DLG2: variants seen among roughly 807,000 people sequenced by gnomAD.
DLG2 encodes the protein disks large homolog 2.
DLG2 carries 45 observed loss-of-function variants against 132.5 expected under a neutral mutation model. That is an observed-to-expected ratio of 0.34 (90% CI 0.27 to 0.44). The LOEUF (loss-of-function observed/expected upper bound fraction) is 0.44. Among genes scored for constraint, DLG2 ranks in the 20% least tolerant of loss-of-function variants. The pLI is 1.00. For synonymous variants in DLG2, 424 were observed against 419.6 expected (o/e 1.01, Z -0.13); for missense variants, 1,045 against 1,196.9 (o/e 0.87, Z 1.87).
intron 6 of DLG2, among the ~76,000 whole-genome samples, chr11:85,043,390 T>A (rs1052711450): frequency 4.0e-5 from 6 of 151,878 alleles, no homozygotes; most frequent in African/African-American, 1.4e-4. Flanking sequence ...AAATACATAT[T>A]GTTTAAATAA....
chr11:85,595,442 T>C (rs1023868721), intron 3 of DLG2, among the ~76,000 whole-genome samples: 6 of 152,222 alleles, frequency 3.9e-5, no homozygotes, highest in African/African-American at 1.4e-4. Flanking sequence ...ACTTTATTCA[T>C]TTGGATAAAT....
At chr11:84,091,754 G>T (rs2097096959) in intron 10 of DLG2, among the ~76,000 whole-genome samples, 1 of 152,184 alleles carries the variant, frequency 6.6e-6, no homozygotes, top group Non-Finnish European at 1.5e-5. Flanking sequence ...CCTCTACTTT[G>T]GTATCACGAG....
chr11:85,031,517 T>C (rs529462110), intron 6 of DLG2, among the ~76,000 whole-genome samples: 27 of 152,296 alleles, frequency 1.8e-4, no homozygotes, highest in African/African-American at 6.5e-4. Flanking sequence ...TTTTGTTATA[T>C]TCTTCTTAAA....
chr11:84,468,742 T>C (rs1171322516), intron 7 of DLG2, among the ~76,000 whole-genome samples: 3 of 151,700 alleles, frequency 2.0e-5, no homozygotes, highest in Non-Finnish European at 4.4e-5. Flanking sequence ...AAGTAGGTAC[T>C]AGAATATTTG....
chr11:85,164,257 T>C (rs893012418), intron 4 of DLG2, among the ~76,000 whole-genome samples: 4 of 152,122 alleles, frequency 2.6e-5, no homozygotes, highest in African/African-American at 9.7e-5. Context: ...TCAGTGTCTG[T>C]AGTTTCACAA....
intron 6 of DLG2, among the ~76,000 whole-genome samples, chr11:84,774,121 A>G (rs969577463): frequency 6.6e-6 from 1 of 152,210 alleles, no homozygotes; most frequent in African/African-American, 2.4e-5. Flanking sequence ...AAAATTCAGT[A>G]GAATTTGTAA....
At chr11:84,895,004 A>G (rs533000289) in intron 6 of DLG2, among the ~76,000 whole-genome samples, 1 of 152,266 alleles carries the variant, frequency 6.6e-6, no homozygotes, top group East Asian at 1.9e-4. Context: ...GGATTTTAAT[A>G]TTGTTTCCAT....
chr11:84,926,021 A>C (rs10736767), intron 6 of DLG2, among the ~76,000 whole-genome samples: 81,866 of 151,916 alleles, frequency 0.54, 23,572 homozygotes, highest in East Asian at 0.83. Flanking sequence ...ACAAACAACA[A>C]ACTGGGAAAC....
intron 6 of DLG2, among the ~76,000 whole-genome samples, chr11:84,872,723 T>C (rs2085667424): frequency 6.6e-6 from 1 of 152,234 alleles, no homozygotes; most frequent in South Asian, 2.1e-4. Context: ...TAGTCTCACA[T>C]TTTTAAACAG....
At chr11:85,002,527 CT>C (rs1189266359) in intron 6 of DLG2, among the ~76,000 whole-genome samples, 1 of 152,080 alleles carries the variant, frequency 6.6e-6, no homozygotes, top group Admixed American at 6.6e-5. Context: ...TGGCCTTTTC[CT>C]TTTTTATCAT....
rs1470069661 is a variant in DLG2 at position 83,532,882 on chromosome 11, C to T, written c.2118-99G>A. The T allele has an allele frequency of 6.1e-6, 6 of 979,880 alleles. No individual in the cohort carries two copies. In the Admixed American group the frequency reaches 6.9e-5, roughly 11 times the overall value. 60.7% of individuals were successfully genotyped at this position (979,880 alleles called of 1,614,324 possible). A position where few individuals can be genotyped will look rare whatever the true frequency, so the allele number is the denominator to read the frequency against. ...ACATTTTTTCCTCCTATCCTTGAAG[C>T]TCAAATAAAATGTGTTCTAAAATAT... is the stretch of plus-strand genomic sequence containing the variant. On this transcript the variant is annotated intron_variant, in intron 20 of 27. Transcript: ENST00000376104.
rs2089956217 is a variant in DLG2 at position 83,965,429 on chromosome 11, C to T, written c.1096G>A (p.Ala366Thr). Reference sequence around the variant, plus strand: ...GATGTGTTCTTTAATATTGCTACTGCCTCTTCGTGTGTTACTTCTTCTAAA... The same window carrying T: ...GATGTGTTCTTTAATATTGCTACTGTCTCTTCGTGTGTTACTTCTTCTAAA... ...YSLEEVTHEE[A>T]VAILKNTSEV... Residue 366 changes from alanine (A) to threonine (T), a missense_variant, in exon 13 of 28, where the codon GCA (alanine) becomes ACA (threonine). Transcript: ENST00000376104. 1 of 1,611,238 alleles carries T rather than the reference C, an allele frequency of 6.2e-7. No homozygotes were observed. Among genetic ancestry groups the T allele is most frequent in the Non-Finnish European group, 8.5e-7 (1 of 1,178,222 alleles).
intron 14 of DLG2, among the ~76,000 whole-genome samples, chr11:83,934,632 G>A (rs1338207995): frequency 6.6e-6 from 1 of 152,104 alleles, no homozygotes; most frequent in Admixed American, 6.6e-5. Context: ...AGATAACAAT[G>A]AGAGTGACTT....
At chr11:84,800,556 T>C (rs915033123) in intron 6 of DLG2, 8 of 152,190 alleles carry the variant, frequency 5.3e-5, no homozygotes, top group African/African-American at 1.9e-4. Flanking sequence ...CTAAAAACAA[T>C]GTCCAAGGCC....
At chr11:84,615,818 T>TAAAAAAAAAAAAAAAAAAAAAA (rs559199428) in intron 6 of DLG2, among the ~76,000 whole-genome samples, 7 of 67,622 alleles carry the variant, frequency 1.0e-4, no homozygotes, top group African/African-American at 3.7e-4. Context: ...ACAAAAACGG[T>TAAAAAAAAAAAAAAAAAAAAAA]AAAAAAAAAA....
chr11:83,594,344 C>G (rs1485890097), intron 19 of DLG2, among the ~76,000 whole-genome samples: 3 of 152,176 alleles, frequency 2.0e-5, no homozygotes, highest in South Asian at 4.1e-4. Flanking sequence ...GAGAAATAAA[C>G]TTTTATGTGT....
chr11:83,888,963 G>T (rs2068823837), intron 15 of DLG2, among the ~76,000 whole-genome samples: 1 of 152,156 alleles, frequency 6.6e-6, no homozygotes, highest in African/African-American at 2.4e-5. Flanking sequence ...ATTCAAGATG[G>T]ATTAAAGACT....
At chr11:85,061,567 G>A (rs926441327) in intron 6 of DLG2, among the ~76,000 whole-genome samples, 5 of 151,602 alleles carry the variant, frequency 3.3e-5, no homozygotes, top group African/African-American at 7.3e-5. Context: ...AAAAACTGAG[G>A]AAATTTAGTA....
intron 6 of DLG2, among the ~76,000 whole-genome samples, chr11:85,099,337 C>T (rs1379985896): frequency 2.0e-5 from 3 of 152,092 alleles, no homozygotes; most frequent in African/African-American, 4.8e-5. Flanking sequence ...AAAAGCAGAA[C>T]AAAAAGTCAG....
Sources: gnomAD v4.1 joint callset for allele counts (sites outside exome capture counted in the v4.1 genomes callset) on GRCh38, gnomAD v4.1.1 for gene constraint, MANE v1.5 for transcripts, NCBI Gene and HGNC (gene_info 2026-07-23, HGNC 2026-07-21) for gene names.